Variants in ATP8A2 observed in about 807,000 individuals in gnomAD.
ATP8A2 encodes the protein phospholipid-transporting ATPase IB.
Under a neutral mutation model 165.6 loss-of-function variants are expected in ATP8A2, and 100 were observed. The observed-to-expected ratio is 0.60, with a 90% CI of 0.51 to 0.71. The LOEUF is 0.71. Ranked by LOEUF, ATP8A2 falls within the 30% of genes least tolerant of loss-of-function variation. The probability of loss-of-function intolerance (pLI) is 0.00; values close to 1 mark genes in which losing one functional copy is unlikely to be tolerated. For synonymous variants in ATP8A2, 543 were observed against 548.8 expected (o/e 0.99, Z 0.15); for missense variants, 1,227 against 1,479.5 (o/e 0.83, Z 2.80).
At chr13:25,721,427 C>T (rs536325707) in intron 25 of ATP8A2, among the ~76,000 whole-genome samples, 1 of 152,268 alleles carries the variant, frequency 6.6e-6, no homozygotes, top group East Asian at 1.9e-4. Context: ...AAAATCTTTG[C>T]CCAGACCAGT....
intron 25 of ATP8A2, among the ~76,000 whole-genome samples, chr13:25,767,954 G>C (rs1247459745): frequency 6.6e-6 from 1 of 151,904 alleles, no homozygotes; most frequent in African/African-American, 2.4e-5. Flanking sequence ...GTTCTTACTG[G>C]GCAAATCTTT....
chr13:25,932,297 C>G (rs1357439780), intron 33 of ATP8A2, among the ~76,000 whole-genome samples: 2 of 152,142 alleles, frequency 1.3e-5, no homozygotes, highest in African/African-American at 4.8e-5. Flanking sequence ...TTGGGATTAG[C>G]CAGAGAAGAA....
intron 33 of ATP8A2, among the ~76,000 whole-genome samples, chr13:25,942,649 C>A (rs1955102527): frequency 6.6e-6 from 1 of 152,172 alleles, no homozygotes; most frequent in Non-Finnish European, 1.5e-5. Context: ...GTCTCAAATC[C>A]CTGTCCTCGG....
chr13:25,568,303 AT>A (rs2039373969), intron 16 of ATP8A2, among the ~76,000 whole-genome samples: 1 of 152,222 alleles, frequency 6.6e-6, no homozygotes, highest in African/African-American at 2.4e-5. Context: ...TTTCTTTTGA[AT>A]CATTATGCCT....
At chr13:25,660,564 A>G (rs1314567981) in intron 24 of ATP8A2, among the ~76,000 whole-genome samples, 1 of 152,194 alleles carries the variant, frequency 6.6e-6, no homozygotes, top group Admixed American at 6.5e-5. Flanking sequence ...GCCAAAATTT[A>G]AATCCCACAC....
intron 24 of ATP8A2, among the ~76,000 whole-genome samples, chr13:25,644,391 C>A (rs1235034034): frequency 6.6e-6 from 1 of 152,122 alleles, no homozygotes; most frequent in Non-Finnish European, 1.5e-5. Context: ...TTGAACTATC[C>A]TTGCATCCCA....
At chr13:25,805,250 T>C (rs1408787829) in intron 27 of ATP8A2, among the ~76,000 whole-genome samples, 1 of 152,180 alleles carries the variant, frequency 6.6e-6, no homozygotes, top group East Asian at 1.9e-4. Flanking sequence ...GGCTCACACC[T>C]GTAATCCCAG....
chr13:25,757,911 G>A (rs1733897677), intron 25 of ATP8A2, among the ~76,000 whole-genome samples: 1 of 152,076 alleles, frequency 6.6e-6, no homozygotes, highest in Non-Finnish European at 1.5e-5. Context: ...GAAGGCACAG[G>A]GTCCTGCTGG....
intron 33 of ATP8A2, among the ~76,000 whole-genome samples, chr13:25,906,818 TC>T (rs1199259348): frequency 2.0e-5 from 3 of 152,220 alleles, no homozygotes; most frequent in African/African-American, 7.2e-5. Flanking sequence ...CGTCTCTTTC[TC>T]CCTGGTGATC....
At chr13:25,956,359 A>G (rs1307714631) in intron 33 of ATP8A2, among the ~76,000 whole-genome samples, 1 of 152,238 alleles carries the variant, frequency 6.6e-6, no homozygotes, top group African/African-American at 2.4e-5. Context: ...ATGATTGTAT[A>G]TTTAGAAAAC....
chr13:25,952,780 C>A (rs1022073551), intron 33 of ATP8A2, among the ~76,000 whole-genome samples: 5 of 152,196 alleles, frequency 3.3e-5, no homozygotes, highest in African/African-American at 1.2e-4. Context: ...TGCACCTCAG[C>A]CAAGCCTTTA....
chr13:25,900,329 C>T (rs1953699901), intron 33 of ATP8A2, among the ~76,000 whole-genome samples: 2 of 152,074 alleles, frequency 1.3e-5, no homozygotes, highest in Non-Finnish European at 2.9e-5. Context: ...AGTTTTCAGC[C>T]CTCTGACATG....
intron 2 of ATP8A2, among the ~76,000 whole-genome samples, chr13:25,474,184 T>C (rs1032683333): frequency 1.4e-5 from 2 of 139,874 alleles, no homozygotes; most frequent in African/African-American, 4.9e-5. Context: ...TTCTTCAGGT[T>C]GGTTTGCCTT....
intron 1 of ATP8A2, among the ~76,000 whole-genome samples, chr13:25,394,474 T>C (rs2033351131): frequency 6.6e-6 from 1 of 152,216 alleles, no homozygotes; most frequent in African/African-American, 2.4e-5. Flanking sequence ...AACTAGGATG[T>C]GGCAGGCTGA....
chr13:25,816,250 TAG>T (rs1369310478), intron 27 of ATP8A2, among the ~76,000 whole-genome samples: 1 of 152,240 alleles, frequency 6.6e-6, no homozygotes, highest in African/African-American at 2.4e-5. Flanking sequence ...CATGGATCTT[TAG>T]ATTTCTCTTA....
intron 25 of ATP8A2, among the ~76,000 whole-genome samples, chr13:25,726,226 A>C (rs150945755): frequency 8.5e-4 from 130 of 152,300 alleles, no homozygotes; most frequent in African/African-American, 2.9e-3. Context: ...ACCCTTGCTG[A>C]GAAGGTAGTA....
At chr13:25,924,486 C>T (rs1027648004) in intron 33 of ATP8A2, among the ~76,000 whole-genome samples, 3 of 152,116 alleles carry the variant, frequency 2.0e-5, no homozygotes, top group African/African-American at 4.8e-5. Flanking sequence ...GTGTCTGTGT[C>T]TGTGTCCAAA....
chr13:25,753,036 G>T (rs745968511), intron 25 of ATP8A2, among the ~76,000 whole-genome samples: 9 of 152,210 alleles, frequency 5.9e-5, no homozygotes, highest in Non-Finnish European at 1.5e-5. Flanking sequence ...GCTGGCTGCT[G>T]TGGGGTCTTT....
chr13:25,630,081 C>CG (rs374003704), intron 24 of ATP8A2, among the ~76,000 whole-genome samples: 195 of 122,528 alleles, frequency 1.6e-3, no homozygotes, highest in African/African-American at 6.0e-3. Flanking sequence ...CTTTTTGTCC[C>CG]CCCCCCACCA....
Sources: gnomAD v4.1 joint callset for allele counts (sites outside exome capture counted in the v4.1 genomes callset) on GRCh38, gnomAD v4.1.1 for gene constraint, MANE v1.5 for transcripts, NCBI Gene and HGNC (gene_info 2026-07-23, HGNC 2026-07-21) for gene names.